The following JAM3 variants were observed in gnomAD, a reference collection of about 807,000 sequenced individuals.
JAM3 encodes junctional adhesion molecule C.
Under a neutral mutation model 39.4 loss-of-function variants are expected in JAM3, and 31 were observed. That is an observed-to-expected ratio of 0.79 (90% CI 0.59 to 1.06). JAM3 has a LOEUF of 1.06. JAM3 is among the 50% of genes least tolerant of loss of function. The probability of loss-of-function intolerance (pLI) is 0.00; values close to 1 mark genes in which losing one functional copy is unlikely to be tolerated. For synonymous variants in JAM3, 182 were observed against 148.7 expected (o/e 1.22, Z -1.63); for missense variants, 455 against 391.4 (o/e 1.16, Z -1.37).
Position 134,149,572 on chromosome 11 carries a change from G to A in JAM3, c.*391G>A. 4.2e-6 allele frequency: 2 copies of A among 476,882 alleles called. No individual in the cohort carries two copies. The highest frequency in any genetic ancestry group is 1.5e-5 in the South Asian group (1 of 64,752). 29.5% of individuals were successfully genotyped at this position (476,882 alleles called of 1,614,324 possible). ...TTCAGCAGCCACGACAGCACCATGT[G>A]AGATGGCGAGGTGGCTGGACAGCAC... On this transcript the variant is annotated 3_prime_UTR_variant, in exon 9 of 9. Transcript: ENST00000299106.
At chr11:134,145,368 G>A (rs1247295126) in intron 5 of JAM3, 6 of 374,204 alleles carry the variant, frequency 1.6e-5, no homozygotes, top group South Asian at 2.3e-5. Context: ...TGAAGGTATT[G>A]TGGTTACGAT....
chr11:134,148,306 G>C (rs2120381472), intron 6 of JAM3: 1 of 565,630 alleles, frequency 1.8e-6, no homozygotes, highest in East Asian at 3.1e-5. Context: ...ACACTTTTCA[G>C]TGCGACTGCA....
At chr11:134,111,919 C>T (rs1942319531) in intron 1 of JAM3, among the ~76,000 whole-genome samples, 1 of 152,300 alleles carries the variant, frequency 6.6e-6, no homozygotes, top group South Asian at 2.1e-4. Context: ...GATCCAAACA[C>T]CTCAGCGATC....
At position 134,113,190 on chromosome 11, in the gene JAM3, G is replaced by A. The variant is rs540774006; in HGVS notation, c.77-26661G>A. 4.8e-5 allele frequency among the ~76,000 whole-genome samples: 7 copies of A among 144,588 alleles called. No homozygotes were observed. In the South Asian group the frequency reaches 1.5e-3, roughly 31 times the overall value. The allele number at this position is 144,588 out of a possible 152,430, so 94.9% of individuals were successfully genotyped here. ...ATTGACAATGTGGGTTCTGGGACTG[G>A]ACTGTCTGGTTTTTTTTTTTTTTAA... On this transcript the variant is annotated intron_variant, in intron 1 of 8. Coordinates refer to ENST00000299106, the MANE Select transcript of JAM3 (RefSeq NM_032801.5).
At chr11:134,087,362 A>G (rs573393248) in intron 1 of JAM3, among the ~76,000 whole-genome samples, 5 of 152,344 alleles carry the variant, frequency 3.3e-5, no homozygotes, top group Non-Finnish European at 5.9e-5. Context: ...GAAAGAAACC[A>G]TATGCTTAGG....
At chr11:134,133,580 G>A (rs562894515) in intron 1 of JAM3, among the ~76,000 whole-genome samples, 3 of 152,180 alleles carry the variant, frequency 2.0e-5, no homozygotes, top group South Asian at 2.1e-4. Context: ...TTAATATGTT[G>A]TAATACTGTA....
intron 3 of JAM3, 149 bp downstream of exon 3, chr11:134,140,919 A>C (rs1316880274): frequency 3.7e-6 from 4 of 1,066,708 alleles, no homozygotes; most frequent in Non-Finnish European, 5.2e-6. Flanking sequence ...AATTATGGAA[A>C]ATTTCAAATA....
chr11:134,099,808 T>C (rs1435915893), intron 1 of JAM3, among the ~76,000 whole-genome samples: 6 of 152,174 alleles, frequency 3.9e-5, no homozygotes, highest in Non-Finnish European at 1.5e-5. Flanking sequence ...GGTTTCACCA[T>C]GTTGGTCAGG....
chr11:134,131,319 C>A (rs529762723), intron 1 of JAM3, among the ~76,000 whole-genome samples: 1 of 152,040 alleles, frequency 6.6e-6, no homozygotes, highest in South Asian at 2.1e-4. Flanking sequence ...CTTATAATAG[C>A]TGAACACAAG....
intron 1 of JAM3, among the ~76,000 whole-genome samples, chr11:134,120,728 G>T (rs1466327138): frequency 6.6e-6 from 1 of 152,090 alleles, no homozygotes; most frequent in East Asian, 1.9e-4. Context: ...AGTTTTTCAT[G>T]GACCCTCACT....
chr11:134,079,761 G>A (rs1941633248), intron 1 of JAM3, among the ~76,000 whole-genome samples: 1 of 152,180 alleles, frequency 6.6e-6, no homozygotes, highest in African/African-American at 2.4e-5. Context: ...ATCCAAAGGA[G>A]TGACTTTGTA....
intron 1 of JAM3, among the ~76,000 whole-genome samples, chr11:134,076,718 A>G (rs1941576580): frequency 6.6e-6 from 1 of 151,180 alleles, no homozygotes; most frequent in African/African-American, 2.4e-5. Context: ...ATTTTATTTA[A>G]TTTTTTTAGA....
chr11:134,129,819 C>T (rs566815880), intron 1 of JAM3, among the ~76,000 whole-genome samples: 2 of 152,182 alleles, frequency 1.3e-5, no homozygotes, highest in East Asian at 1.9e-4. Context: ...CTGGGCAACA[C>T]GGTGAAACCC....
At position 134,143,383 on chromosome 11, in the gene JAM3, A is replaced by C. The variant is rs566220573; in HGVS notation, c.257-858A>C. ...TTTTCTTTGGAGAAATGTCTGTTCA[A>C]ATTTTATGTCCATTTAAAAATATTT... On this transcript the variant is annotated intron_variant, in intron 3 of 8. Transcript: ENST00000299106. Among the ~76,000 whole-genome samples the C allele has an allele frequency of 4.6e-5, 7 of 152,292 alleles. No homozygotes were observed. The South Asian group carries it at 1.5e-3, about 32-fold the overall frequency.
intron 1 of JAM3, among the ~76,000 whole-genome samples, chr11:134,115,860 A>G (rs1942419826): frequency 6.6e-6 from 1 of 152,138 alleles, no homozygotes; most frequent in Admixed American, 6.6e-5. Flanking sequence ...TTGCGCCACT[A>G]CACTCAAGCC....
chr11:134,109,340 A>T (rs1215308079), intron 1 of JAM3, among the ~76,000 whole-genome samples: 7 of 152,210 alleles, frequency 4.6e-5, no homozygotes, highest in South Asian at 2.1e-4. Flanking sequence ...ACTTAAAAAA[A>T]ATTAGGAAGA....
At chr11:134,069,912 G>A (rs1434325081) in intron 1 of JAM3, among the ~76,000 whole-genome samples, 1 of 152,212 alleles carries the variant, frequency 6.6e-6, no homozygotes, top group East Asian at 1.9e-4. Context: ...GCCTGGCCGA[G>A]GAGACCACGC....
rs376093579 is a variant in JAM3, at chr11:134,144,221, G to A, written c.257-20G>A. The A allele has an allele frequency of 1.2e-6, 2 of 1,614,042 alleles. No individual in the cohort carries two copies. Among genetic ancestry groups the A allele is most frequent in the Non-Finnish European group, 1.7e-6 (2 of 1,179,964 alleles). Reference sequence around the variant, plus strand: ...GATTTCTTTAAAGAAGTTTTTTAGTGCCTCGTGTCTTTTCTGTAGGAGACT... The same window carrying A: ...GATTTCTTTAAAGAAGTTTTTTAGTACCTCGTGTCTTTTCTGTAGGAGACT... On this transcript the variant is annotated intron_variant, in intron 3 of 8. Transcript: ENST00000299106.
intron 1 of JAM3, among the ~76,000 whole-genome samples, chr11:134,100,648 T>C (rs1195562612): frequency 1.3e-5 from 2 of 152,174 alleles, no homozygotes; most frequent in African/African-American, 4.8e-5. Flanking sequence ...GCTGATACCA[T>C]GTGAATGCAT....
Sources: gnomAD v4.1 joint callset for allele counts (sites outside exome capture counted in the v4.1 genomes callset) on GRCh38, gnomAD v4.1.1 for gene constraint, MANE v1.5 for transcripts, NCBI Gene and HGNC (gene_info 2026-07-23, HGNC 2026-07-21) for gene names.